The following FCRL5 variants were observed in gnomAD, a reference collection of about 807,000 sequenced individuals.
FCRL5 encodes Fc receptor like 5, also known as Fc receptor-like protein 5.
FCRL5 carries 79 observed loss-of-function variants against 92.1 expected under a neutral mutation model. The observed-to-expected ratio is 0.86, with a 90% CI of 0.72 to 1.03. The LOEUF is 1.03. Ranked by LOEUF, FCRL5 falls within the 50% of genes least tolerant of loss-of-function variation. The pLI is 0.00. For missense variants in FCRL5, 1,160 were observed against 1,181.1 expected, an observed-to-expected ratio of 0.98 and a Z score of 0.26; for synonymous variants, 466 against 469.3, an observed-to-expected ratio of 0.99 and a Z score of 0.09.
intron 8 of FCRL5, among the ~76,000 whole-genome samples, chr1:157,529,252 A>T (rs1295188908): frequency 6.6e-6 from 1 of 152,196 alleles, no homozygotes; most frequent in Non-Finnish European, 1.5e-5. Context: ...ATGCGATACC[A>T]CCTTACTCCT....
At chr1:157,522,670 T>C (rs1650252482) in intron 10 of FCRL5, 1 of 152,240 alleles carries the variant, frequency 6.6e-6, no homozygotes, top group Admixed American at 6.5e-5. Flanking sequence ...CTGGTCTCTA[T>C]GACCTGGGTC....
At chr1:157,531,684 T>C (rs1571090461) in intron 8 of FCRL5, among the ~76,000 whole-genome samples, 1 of 152,102 alleles carries the variant, frequency 6.6e-6, no homozygotes, top group East Asian at 1.9e-4. Flanking sequence ...TAAAAAGACC[T>C]GGAGGATATC....
intron 9 of FCRL5, among the ~76,000 whole-genome samples, chr1:157,526,672 T>A (rs183714686): frequency 9.2e-5 from 14 of 151,888 alleles, no homozygotes; most frequent in Admixed American, 8.5e-4. Context: ...GACAGATGAG[T>A]TATTGGGTGG....
rs763290190 is a variant in FCRL5 at position 157,544,538 on chromosome 1, T to G, written c.568A>C (p.Thr190Pro). Residue 190 changes from threonine (T) to proline (P), a missense_variant, in exon 5 of 17, where the codon ACA becomes CCA. By Grantham distance (38) the Thr-to-Pro change is conservative. Transcript: ENST00000361835. ...GAGCTGGCTCTCAGCACTGGACGTG[T>G]AAATGGCTCTAGAGAGAAGAATCAC... Reference protein sequence around the residue: ...TVKIQVQEPFTRPVLRASSFQ... With the variant: ...TVKIQVQEPFPRPVLRASSFQ... The G allele has an allele frequency of 7.4e-6, 12 of 1,613,626 alleles. No individual in the cohort carries two copies. The highest frequency in any genetic ancestry group is 7.6e-6 in the Non-Finnish European group (9 of 1,179,926).
At position 157,534,643 on chromosome 1, in the gene FCRL5, C is replaced by T. The variant is rs73011568; in HGVS notation, c.1652G>A (p.Arg551His). The change falls in exon 8 of 17, where the codon CGC (arginine) becomes CAC (histidine). Residue 551 changes from arginine (R) to histidine (H), a missense_variant. Arg to His is a conservative substitution (Grantham distance 29). Coordinates refer to ENST00000361835, the MANE Select transcript of FCRL5 (RefSeq NM_031281.3). ...GACAAAAAGGCTCACCACTTCACTG[C>T]GCTGGGGACCAAAGCCATTGTCAGC... ...CTADNGFGPQ[R>H]SEVVSLFVTV... 4.3e-5 allele frequency: 70 copies of T among 1,614,082 alleles called. No homozygotes were observed. Among genetic ancestry groups the T allele is most frequent in the Non-Finnish European group, 5.5e-5 (65 of 1,180,026 alleles).
Position 157,539,080 on chromosome 1 carries a change from G to C in FCRL5, c.1402+6C>G. ...GGTGGGTGATTGGCAGGAACCCAGG[G>C]CTTACCAGTGACGGAGAGGCTCACC... On this transcript the variant is annotated splice_donor_region_variant and intron_variant, in intron 7 of 16. Coordinates refer to ENST00000361835, the MANE Select transcript of FCRL5 (RefSeq NM_031281.3). 1 of 1,611,506 alleles carries C rather than the reference G, an allele frequency of 6.2e-7. No homozygotes were observed. The highest frequency in any genetic ancestry group is 8.5e-7 in the Non-Finnish European group (1 of 1,179,032).
At chr1:157,542,424 G>T (rs1188648111) in intron 6 of FCRL5, 1 of 158,190 alleles carries the variant, frequency 6.3e-6, no homozygotes, top group Admixed American at 6.1e-5. Context: ...CCAGCGACTT[G>T]TCTTTGTGTC....
At chr1:157,520,151 T>TGGGG (rs371876702) in intron 12 of FCRL5, among the ~76,000 whole-genome samples, 3 of 152,122 alleles carry the variant, frequency 2.0e-5, no homozygotes, top group African/African-American at 7.2e-5. Flanking sequence ...TCCCATTCGT[T>TGGGG]GGGGGGGTCT....
chr1:157,525,658 G>A (rs1650395265), intron 9 of FCRL5, among the ~76,000 whole-genome samples: 1 of 152,224 alleles, frequency 6.6e-6, no homozygotes, highest in East Asian at 1.9e-4. Flanking sequence ...CAAAATGATG[G>A]TGGACTTGTC....
At chr1:157,537,333 G>A (rs150995614) in intron 7 of FCRL5, among the ~76,000 whole-genome samples, 77 of 152,252 alleles carry the variant, frequency 5.1e-4, no homozygotes, top group African/African-American at 1.7e-3. Flanking sequence ...TTTTATGATC[G>A]TTGCTGAGGG....
rs1437714879 is a variant in FCRL5 at position 157,514,129 on chromosome 1, GT to G, written c.*1545del. ...ACACTTGGAAGCATGAAAAGCCATG[GT>G]TCAGGTGGAGTGAGCTTCCAATGCC... On this transcript the variant is annotated 3_prime_UTR_variant, in exon 17 of 17. Transcript: ENST00000361835. 3 of 140,718 alleles carry G rather than the reference GT, an allele frequency of 2.1e-5. No homozygotes were observed. The highest frequency in any genetic ancestry group is 3.3e-5 in the African/African-American group (1 of 30,466). 8.7% of individuals were successfully genotyped at this position (140,718 alleles called of 1,614,324 possible). A position where few individuals can be genotyped will look rare whatever the true frequency, so the allele number is the denominator to read the frequency against.
chr1:157,546,896 G>A (rs776006988), intron 3 of FCRL5, 47 bp downstream of exon 3: 4 of 1,591,202 alleles, frequency 2.5e-6, no homozygotes, highest in Non-Finnish European at 2.6e-6. Flanking sequence ...AGAGAAACAT[G>A]GGCTGAATTG....
Position 157,527,731 on chromosome 1 carries a change from CT to C in FCRL5, c.1845del (p.Gly616GlufsTer9). On this transcript the variant is annotated frameshift_variant, in exon 9 of 17. Transcript: ENST00000361835. LOFTEE classifies it high-confidence loss of function. Reference sequence around the variant, plus strand: ...AGAGAGAGGTTGAAAGAAGCTTCTCCTCCAGAGGGGGCTGAGCTGCTCCCCA... The same window carrying C: ...AGAGAGAGGTTGAAAGAAGCTTCTCCCCAGAGGGGGCTGAGCTGCTCCCCA... ...VTLGSSSAPS[G>X]GEASFNLSLT... 6.2e-7 allele frequency: 1 copy of C among 1,614,200 alleles called. No homozygotes were observed. Among genetic ancestry groups the C allele is most frequent in the Non-Finnish European group, 8.5e-7 (1 of 1,180,026 alleles).
intron 9 of FCRL5, among the ~76,000 whole-genome samples, chr1:157,525,138 A>G (rs767936716): frequency 2.0e-5 from 3 of 152,244 alleles, no homozygotes; most frequent in Non-Finnish European, 4.4e-5. Flanking sequence ...AGAGCCTACA[A>G]TCTAGAAGGA....
rs1479904296 is a variant in FCRL5, at chr1:157,546,996, C to T, written c.254G>A (p.Cys85Tyr). The change falls in exon 3 of 17, where the codon TGC becomes TAC. Residue 85 changes from cysteine to tyrosine, a missense_variant. By Grantham distance (194) the Cys-to-Tyr change is radical. Coordinates refer to ENST00000361835, the MANE Select transcript of FCRL5 (RefSeq NM_031281.3). ...ACTGAGAGGGGAGCCCTGGGCCTGG[C>T]ATCTGTACTCTCCAGATTCCTGAAC... ...LEVQESGEYRCQAQGSPLSSP... is the reference protein window; with the variant it reads ...LEVQESGEYRYQAQGSPLSSP... 1 of 1,614,116 alleles carries T rather than the reference C, an allele frequency of 6.2e-7. No homozygotes were observed. Among genetic ancestry groups the T allele is most frequent in the South Asian group, 1.1e-5 (1 of 91,086 alleles).
At chr1:157,520,074 G>A (rs1293551391) in intron 12 of FCRL5, among the ~76,000 whole-genome samples, 1 of 152,118 alleles carries the variant, frequency 6.6e-6, no homozygotes, top group Non-Finnish European at 1.5e-5. Flanking sequence ...TTAAAAAATC[G>A]GAAAATTACT....
intron 7 of FCRL5, among the ~76,000 whole-genome samples, chr1:157,538,773 A>G (rs187400483): frequency 6.6e-6 from 1 of 152,376 alleles, no homozygotes; most frequent in Admixed American, 6.5e-5. Flanking sequence ...TTTAGTAAAC[A>G]AAAATCAGGC....
intron 8 of FCRL5, among the ~76,000 whole-genome samples, chr1:157,531,299 T>C (rs1300935783): frequency 6.6e-6 from 1 of 152,152 alleles, no homozygotes; most frequent in Non-Finnish European, 1.5e-5. Context: ...AGAATGACTG[T>C]TATCAAAAAG....
At chr1:157,533,936 G>A (rs1414132271) in intron 8 of FCRL5, 1 of 160,516 alleles carries the variant, frequency 6.2e-6, no homozygotes, top group Non-Finnish European at 1.4e-5. Flanking sequence ...TGAAAAGAAA[G>A]TAAACTTTCC....
Sources: gnomAD v4.1 joint callset for allele counts (sites outside exome capture counted in the v4.1 genomes callset) on GRCh38, gnomAD v4.1.1 for gene constraint, MANE v1.5 for transcripts, NCBI Gene and HGNC (gene_info 2026-07-23, HGNC 2026-07-21) for gene names.